Variants in TBL1X observed in about 807,000 individuals in gnomAD.
The protein encoded by TBL1X is transducin beta like 1 X-linked, also known as F-box-like/WD repeat-containing protein TBL1X.
Under a neutral mutation model 50.7 loss-of-function variants are expected in TBL1X, and 10 were observed. The observed-to-expected ratio is 0.20, with a 90% CI of 0.12 to 0.33. TBL1X has a LOEUF of 0.33. Ranked by LOEUF, TBL1X falls within the 10% of genes least tolerant of loss-of-function variation. The probability of loss-of-function intolerance (pLI) is 1.00; values close to 1 mark genes in which losing one functional copy is unlikely to be tolerated. For missense variants in TBL1X, 340 were observed against 504.4 expected (o/e 0.67, Z 3.12); for synonymous variants, 190 against 214.7 (o/e 0.88, Z 1.01).
intron 5 of TBL1X, among the ~76,000 whole-genome samples, chrX:9,669,293 C>T (rs1476736224): frequency 8.9e-6 from 1 of 111,805 alleles, no homozygotes; most frequent in African/African-American, 3.3e-5. Flanking sequence ...ACGAAAGAGG[C>T]CTAACCCACC....
intron 6 of TBL1X, among the ~76,000 whole-genome samples, chrX:9,687,643 G>A (rs768689261): frequency 2.7e-5 from 3 of 109,662 alleles, no homozygotes; most frequent in East Asian, 2.9e-4. Flanking sequence ...GTCTCCAGAC[G>A]TTGCCTAATG....
At chrX:9,526,276 G>A (rs1000543409) in intron 2 of TBL1X, among the ~76,000 whole-genome samples, 3 of 111,494 alleles carry the variant, frequency 2.7e-5, no homozygotes, top group African/African-American at 6.5e-5. Flanking sequence ...TTTTGGGGCC[G>A]GAGGTGGAGA....
At chrX:9,549,545 CT>C (rs1834804662) in intron 2 of TBL1X, among the ~76,000 whole-genome samples, 1 of 111,610 alleles carries the variant, frequency 9.0e-6, no homozygotes, top group Non-Finnish European at 1.9e-5. Flanking sequence ...AATATTTACT[CT>C]CTGGCCCTTT....
At chrX:9,505,585 A>G (rs1184744024) in intron 2 of TBL1X, among the ~76,000 whole-genome samples, 1 of 111,882 alleles carries the variant, frequency 8.9e-6, no homozygotes, top group Non-Finnish European at 1.9e-5. Flanking sequence ...CAGGCTCAAA[A>G]TAAAGGGATG....
chrX:9,501,951 T>G (rs993249492), intron 2 of TBL1X, 102 bp downstream of exon 2: 1 of 111,726 alleles, frequency 9.0e-6, no homozygotes, highest in African/African-American at 3.3e-5. Context: ...GCCTATAGCC[T>G]CCTCTGGGAG....
intron 11 of TBL1X, among the ~76,000 whole-genome samples, chrX:9,694,236 A>G (rs1292749507): frequency 5.3e-4 from 20 of 37,662 alleles, no homozygotes; most frequent in Admixed American, 6.1e-4. Context: ...TAGAATTGAG[A>G]AAAAAAAAAA....
chrX:9,631,269 C>T (rs2082720244), intron 2 of TBL1X, among the ~76,000 whole-genome samples: 1 of 111,426 alleles, frequency 9.0e-6, no homozygotes, highest in South Asian at 3.8e-4. Flanking sequence ...CAATAGTTAT[C>T]GTCTCTGTTC....
At chrX:9,479,836 T>C (rs1318056771) in intron 1 of TBL1X, among the ~76,000 whole-genome samples, 1 of 111,686 alleles carries the variant, frequency 9.0e-6, no homozygotes, top group Non-Finnish European at 1.9e-5. Context: ...TTTACCAGGT[T>C]TTTCACCAAA....
chrX:9,691,239 C>T (rs1276828505), intron 7 of TBL1X, among the ~76,000 whole-genome samples: 2 of 109,874 alleles, frequency 1.8e-5, no homozygotes, highest in South Asian at 3.8e-4. Context: ...AGTTTGAGAC[C>T]GACCCTGGCA....
rs34666783 is a variant in TBL1X, at chrX:9,705,723, T to TAA, written c.1236+628_1236+629dup. 5.4e-3 allele frequency among the ~76,000 whole-genome samples: 426 copies of TAA among 78,205 alleles called. 3 individuals carry two copies. The highest frequency in any genetic ancestry group is 0.015 in the African/African-American group (307 of 20,738). 67.9% of individuals were successfully genotyped at this position (78,205 alleles called of 115,157 possible). On this transcript the variant is annotated intron_variant, in intron 13 of 17. Transcript: ENST00000645353. The stretch of plus-strand genomic sequence containing the variant: ...GCAACAGAGCAAGACCTTGTCTCTT[T>TAA]AAAAAAAAAAAAAAAAAAAAGAAAA...
At chrX:9,632,798 T>C (rs1250186283) in intron 2 of TBL1X, among the ~76,000 whole-genome samples, 2 of 112,161 alleles carry the variant, frequency 1.8e-5, no homozygotes, top group African/African-American at 6.5e-5. Context: ...CAAACACGGT[T>C]AGCTTGTGGA....
intron 1 of TBL1X, among the ~76,000 whole-genome samples, chrX:9,486,705 A>G (rs930492141): frequency 1.8e-5 from 2 of 109,298 alleles, no homozygotes; most frequent in Non-Finnish European, 3.8e-5. Context: ...AAACCAAGCT[A>G]TGCCCCAACC....
Position 9,716,861 on chromosome X carries a change from T to C in TBL1X, c.*615T>C, listed in dbSNP as rs1213439134. On this transcript the variant is annotated 3_prime_UTR_variant, in exon 18 of 18. Coordinates refer to ENST00000645353, the MANE Select transcript of TBL1X (RefSeq NM_005647.4). Reference sequence around the variant, plus strand: ...GGGGCCTTCCGTCTGAGATGGAAGCTGTCTTGGGCTTGTTGTCTCTTCCTT... The same window carrying C: ...GGGGCCTTCCGTCTGAGATGGAAGCCGTCTTGGGCTTGTTGTCTCTTCCTT... The C allele has an allele frequency of 9.0e-6, 1 of 111,268 alleles. No homozygotes were observed. The highest frequency in any genetic ancestry group is 3.3e-5 in the African/African-American group (1 of 30,472). The allele number at this position is 111,268 out of a possible 1,213,427, so 9.2% of individuals were successfully genotyped here. A position where few individuals can be genotyped will look rare whatever the true frequency, so the allele number is the denominator to read the frequency against.
chrX:9,605,075 C>T (rs963604222), intron 2 of TBL1X, among the ~76,000 whole-genome samples: 2 of 110,883 alleles, frequency 1.8e-5, no homozygotes, highest in African/African-American at 6.6e-5. Flanking sequence ...GGAATGTCAT[C>T]TCCTGGTGGT....
At chrX:9,658,166 G>A (rs977027982) in intron 5 of TBL1X, among the ~76,000 whole-genome samples, 1 of 111,601 alleles carries the variant, frequency 9.0e-6, no homozygotes, top group Non-Finnish European at 1.9e-5. Flanking sequence ...CAGCCATGTG[G>A]AACTGTGAGT....
chrX:9,672,884 C>A lies in TBL1X; in HGVS notation c.212-11159C>A, dbSNP rs749069104. 3.6e-5 allele frequency among the ~76,000 whole-genome samples: 4 copies of A among 112,490 alleles called. No individual in the cohort carries two copies. In the South Asian group the frequency reaches 1.5e-3, roughly 42 times the overall value. Reference sequence around the variant, plus strand: ...CATTCGAGCTGCTATGACAAAATACCATAAACAACAGAGATTTTTTTCTCA... The same window carrying A: ...CATTCGAGCTGCTATGACAAAATACAATAAACAACAGAGATTTTTTTCTCA... On this transcript the variant is annotated intron_variant, in intron 5 of 17. Coordinates refer to ENST00000645353, the MANE Select transcript of TBL1X (RefSeq NM_005647.4).
chrX:9,540,634 A>T (rs959182511), intron 2 of TBL1X, among the ~76,000 whole-genome samples: 1 of 112,931 alleles, frequency 8.9e-6, no homozygotes, highest in African/African-American at 3.2e-5. Context: ...GTGCTGACTT[A>T]GGAAGAGCAA....
rs755945167 is a variant in TBL1X at position 9,666,871 on chromosome X, T to A, written c.211+12549T>A. Among the ~76,000 whole-genome samples the A allele has an allele frequency of 3.6e-5, 4 of 112,351 alleles. No homozygotes were observed. In the East Asian group the frequency reaches 1.1e-3, roughly 31 times the overall value. The stretch of plus-strand genomic sequence containing the variant: ...TATACTGGAGAAACAATTTTACTTA[T>A]AAGGTATACAAGGAAAATAGAATGT... On this transcript the variant is annotated intron_variant, in intron 5 of 17. Transcript: ENST00000645353.
intron 2 of TBL1X, among the ~76,000 whole-genome samples, chrX:9,586,305 C>A (rs1485229351): frequency 8.9e-6 from 1 of 112,411 alleles, no homozygotes; most frequent in Non-Finnish European, 1.9e-5. Context: ...GAATAGTATT[C>A]GGCCTTGAAA....
Sources: allele counts gnomAD v4.1 joint callset (sites outside exome capture counted in the v4.1 genomes callset), GRCh38; gene constraint gnomAD v4.1.1; transcripts MANE v1.5; gene names NCBI Gene and HGNC (gene_info 2026-07-23, HGNC 2026-07-21).